The following WBP2NL variants were observed in gnomAD, a reference collection of about 807,000 sequenced individuals.
The protein encoded by WBP2NL is postacrosomal sheath WW domain-binding protein.
Under a neutral mutation model 23.3 loss-of-function variants are expected in WBP2NL, and 27 were observed. The observed-to-expected ratio is 1.16, with a 90% confidence interval of 0.85 to 1.60. The LOEUF (loss-of-function observed/expected upper bound fraction) is 1.60. Among genes scored for constraint, WBP2NL ranks in the 40% most tolerant of loss-of-function variants. The pLI is 0.00. For missense variants in WBP2NL, 370 were observed against 389.5 expected (o/e 0.95, Z 0.42); for synonymous variants, 151 against 145.9 (o/e 1.03, Z -0.25).
At chr22:42,037,134 G>C (rs1602475657), downstream of WBP2NL, among the ~76,000 whole-genome samples, 1 of 33,670 alleles carries the variant, frequency 3.0e-5, no homozygotes, top group Admixed American at 2.7e-4. Context: ...TCATTTGTGT[G>C]TGTGTGTGTG....
At chr22:42,045,086 C>T (rs1402229272) in intron 8 of WBP2NL, among the ~76,000 whole-genome samples, 2 of 152,082 alleles carry the variant, frequency 1.3e-5, no homozygotes, top group African/African-American at 4.8e-5. Context: ...TTGTCTCAGT[C>T]TCCCAAAGCA....
intron 5 of WBP2NL, among the ~76,000 whole-genome samples, chr22:42,026,515 T>C (rs1016759863): frequency 6.6e-6 from 1 of 152,084 alleles, no homozygotes; most frequent in African/African-American, 2.4e-5. Context: ...GTAAAACACA[T>C]ATCTGTGCAA....
intron 1 of WBP2NL, among the ~76,000 whole-genome samples, chr22:42,011,487 G>A (rs1433312773): frequency 3.3e-5 from 5 of 151,666 alleles, no homozygotes; most frequent in Non-Finnish European, 4.4e-5. Context: ...TCCTGGCCTC[G>A]AGCAATCCTC....
intron 5 of WBP2NL, among the ~76,000 whole-genome samples, chr22:42,022,961 G>C (rs1052083948): frequency 2.6e-5 from 4 of 152,104 alleles, no homozygotes; most frequent in African/African-American, 4.8e-5. Context: ...CTACTTATTT[G>C]TAACCTTAAT....
intron 8 of WBP2NL, among the ~76,000 whole-genome samples, chr22:42,049,976 CAAAAAAAAAAAAAA>C (rs34787117): frequency 5.9e-5 from 5 of 84,408 alleles, no homozygotes; most frequent in African/African-American, 1.9e-4. Context: ...GACTCCGTCT[CAAAAAAAAAAAAAA>C]AAAAAAAAAA....
chr22:42,055,071 G>T (rs1358449003), intron 8 of WBP2NL, among the ~76,000 whole-genome samples: 1 of 151,716 alleles, frequency 6.6e-6, no homozygotes, highest in Non-Finnish European at 1.5e-5. Context: ...ATGGAGTTTT[G>T]CTCTGTCACC....
intron 1 of WBP2NL, among the ~76,000 whole-genome samples, chr22:42,008,019 A>G (rs1009639795): frequency 9.2e-5 from 14 of 151,970 alleles, no homozygotes; most frequent in African/African-American, 3.4e-4. Context: ...ATTTCTAGCA[A>G]CAGTGCACAA....
chr22:42,021,821 ACTCT>A (rs1274725595), intron 4 of WBP2NL, among the ~76,000 whole-genome samples: 1 of 119,100 alleles, frequency 8.4e-6, no homozygotes, highest in Non-Finnish European at 1.7e-5. Context: ...ACAAGGTCTT[ACTCT>A]GTCACCCAGG....
chr22:42,044,589 G>A (rs1925513357), intron 8 of WBP2NL, among the ~76,000 whole-genome samples: 1 of 152,174 alleles, frequency 6.6e-6, no homozygotes, highest in Admixed American at 6.5e-5. Context: ...GATTGCTTAA[G>A]CCCAGGAGTT....
At chr22:42,003,567 G>T (rs1921917253) in intron 1 of WBP2NL, 2 of 151,900 alleles carry the variant, frequency 1.3e-5, no homozygotes, top group South Asian at 4.1e-4. Context: ...TCCGAATAAA[G>T]CAAGTTTGTA....
chr22:42,019,804 G>T lies in WBP2NL; in HGVS notation c.313+1G>T. ...GGAACTATTCAGGCAGCTCCATATG[G>T]TAAGTGTTCCCTCAGAAGTGTGTAT... On this transcript the variant is annotated splice_donor_variant, in intron 3 of 5. Coordinates refer to ENST00000328823, the MANE Select transcript of WBP2NL (RefSeq NM_152613.3). LOFTEE classifies it high-confidence loss of function. 1 of 1,614,028 alleles carries T rather than the reference G, an allele frequency of 6.2e-7. No homozygotes were observed. The highest frequency in any genetic ancestry group is 1.1e-5 in the South Asian group (1 of 91,012).
intron 8 of WBP2NL, among the ~76,000 whole-genome samples, chr22:42,056,645 AATT>A (rs1449822947): frequency 1.3e-5 from 2 of 152,146 alleles, no homozygotes; most frequent in African/African-American, 4.8e-5. Context: ...CCAAATAACA[AATT>A]TTTTCATAGT....
At chr22:42,031,798 C>A (rs764569633), downstream of WBP2NL, 1 of 151,722 alleles carries the variant, frequency 6.6e-6, no homozygotes, top group Admixed American at 6.6e-5. Flanking sequence ...CAGGTTTAAG[C>A]GATTCTCCTG....
chr22:42,025,194 C>G (rs1045761156), intron 5 of WBP2NL, among the ~76,000 whole-genome samples: 1 of 152,152 alleles, frequency 6.6e-6, no homozygotes, highest in Non-Finnish European at 1.5e-5. Context: ...AATTCGTTGC[C>G]AAATCCAATG....
intron 1 of WBP2NL, among the ~76,000 whole-genome samples, chr22:42,014,682 A>T (rs1006247075): frequency 5.3e-5 from 8 of 152,004 alleles, no homozygotes; most frequent in African/African-American, 1.9e-4. Flanking sequence ...AGTAACCGTT[A>T]TTCCCATTGA....
intron 1 of WBP2NL, among the ~76,000 whole-genome samples, chr22:42,011,303 C>T (rs1000545099): frequency 2.6e-5 from 4 of 151,998 alleles, no homozygotes; most frequent in African/African-American, 9.7e-5. Flanking sequence ...GTCTGGAGTG[C>T]AGTGATGTGA....
chr22:41,999,945 T>C (rs535459894), intron 1 of WBP2NL, among the ~76,000 whole-genome samples: 1 of 152,208 alleles, frequency 6.6e-6, no homozygotes, highest in East Asian at 1.9e-4. Context: ...AGCACACTTG[T>C]TCACTAAGGC....
At chr22:42,034,713 C>CA (rs1556303121), downstream of WBP2NL, among the ~76,000 whole-genome samples, 1 of 152,080 alleles carries the variant, frequency 6.6e-6, no homozygotes, top group Non-Finnish European at 1.5e-5. Flanking sequence ...AGGTACGCCC[C>CA]GGGGGGGCCA....
chr22:42,014,287 A>G (rs1401843383), intron 1 of WBP2NL, among the ~76,000 whole-genome samples: 3 of 152,120 alleles, frequency 2.0e-5, no homozygotes, highest in African/African-American at 7.2e-5. Flanking sequence ...GTGCAGTGGT[A>G]CAGTCGTGGC....
Sources: allele counts gnomAD v4.1 joint callset (sites outside exome capture counted in the v4.1 genomes callset), GRCh38; gene constraint gnomAD v4.1.1; transcripts MANE v1.5; gene names NCBI Gene and HGNC (gene_info 2026-07-23, HGNC 2026-07-21).